Variants in VWC2 observed in about 807,000 individuals in gnomAD.
VWC2 encodes the protein von Willebrand factor C domain containing 2, also known as brorin.
A neutral mutation model predicts 29.8 loss-of-function variants in VWC2; 14 were observed. The observed-to-expected ratio is 0.47, with a 90% CI of 0.31 to 0.74. The LOEUF (loss-of-function observed/expected upper bound fraction) is 0.74. VWC2 is among the 30% of genes least tolerant of loss of function. The pLI is 0.05. For missense variants in VWC2, 457 were observed against 459.8 expected (o/e 0.99, Z 0.05); for synonymous variants, 213 against 199.0 (o/e 1.07, Z -0.59).
intron 3 of VWC2, among the ~76,000 whole-genome samples, chr7:49,861,374 T>C (rs1445267310): frequency 1.3e-5 from 2 of 152,232 alleles, no homozygotes; most frequent in African/African-American, 4.8e-5. Flanking sequence ...AAGACTTTTT[T>C]ATATTTTGAA....
chr7:49,777,445 T>C (rs1302872926), intron 2 of VWC2, among the ~76,000 whole-genome samples: 2 of 151,926 alleles, frequency 1.3e-5, no homozygotes, highest in Admixed American at 6.6e-5. Context: ...TCAGGAAACA[T>C]GGTTATTCAT....
At chr7:49,841,359 A>G (rs747791582) in intron 3 of VWC2, among the ~76,000 whole-genome samples, 1 of 152,052 alleles carries the variant, frequency 6.6e-6, no homozygotes, top group Non-Finnish European at 1.5e-5. Flanking sequence ...CAGTAAACAG[A>G]ACAGTCAGCT....
intron 3 of VWC2, among the ~76,000 whole-genome samples, chr7:49,809,173 C>T (rs1788943619): frequency 6.6e-6 from 1 of 151,816 alleles, no homozygotes; most frequent in South Asian, 2.1e-4. Flanking sequence ...AGAGAAGACA[C>T]AAGTCAGGAA....
chr7:49,826,775 G>A (rs1160937568), intron 3 of VWC2, among the ~76,000 whole-genome samples: 1 of 152,140 alleles, frequency 6.6e-6, no homozygotes, highest in East Asian at 1.9e-4. Context: ...TTTAACTGAT[G>A]TTTCAAATGT....
At chr7:49,804,511 G>A (rs181752084) in intron 3 of VWC2, among the ~76,000 whole-genome samples, 19 of 152,264 alleles carry the variant, frequency 1.2e-4, no homozygotes, top group African/African-American at 2.9e-4. Flanking sequence ...AATATTTGGC[G>A]TCTTAACTAC....
intron 3 of VWC2, among the ~76,000 whole-genome samples, chr7:49,905,476 C>T (rs1238518477): frequency 6.6e-6 from 1 of 152,192 alleles, no homozygotes; most frequent in Non-Finnish European, 1.5e-5. Flanking sequence ...AGTTTACATT[C>T]CCTCTTGGAA....
chr7:49,774,461 G>T (rs1788008140), intron 1 of VWC2, among the ~76,000 whole-genome samples: 1 of 152,250 alleles, frequency 6.6e-6, no homozygotes, highest in Admixed American at 6.5e-5. Flanking sequence ...TTGGGCGGCA[G>T]AAACTTTGGA....
At chr7:49,869,614 G>A (rs571227895) in intron 3 of VWC2, among the ~76,000 whole-genome samples, 9 of 152,186 alleles carry the variant, frequency 5.9e-5, no homozygotes, top group African/African-American at 2.2e-4. Context: ...TTAAAAAATA[G>A]TCCTAAAAAA....
chr7:49,777,584 C>T (rs1788079679), intron 2 of VWC2, among the ~76,000 whole-genome samples: 1 of 152,164 alleles, frequency 6.6e-6, no homozygotes, highest in Non-Finnish European at 1.5e-5. Flanking sequence ...TAACTCCAGG[C>T]ATACATTGCT....
intron 2 of VWC2, among the ~76,000 whole-genome samples, chr7:49,801,349 C>G (rs888708553): frequency 6.6e-6 from 1 of 152,176 alleles, no homozygotes. Context: ...TCCATGTCCC[C>G]CATTTCCATG....
chr7:49,820,827 TC>T (rs1305593691), intron 3 of VWC2, among the ~76,000 whole-genome samples: 1 of 152,140 alleles, frequency 6.6e-6, no homozygotes, highest in African/African-American at 2.4e-5. Context: ...CAGTCATCCC[TC>T]ATAGGTGCAG....
chr7:49,807,888 A>G (rs576668660), intron 3 of VWC2, among the ~76,000 whole-genome samples: 1 of 152,296 alleles, frequency 6.6e-6, no homozygotes, highest in South Asian at 2.1e-4. Context: ...TATTTAAATA[A>G]TACCAACACA....
intron 3 of VWC2, among the ~76,000 whole-genome samples, chr7:49,830,696 G>T (rs1025590551): frequency 6.6e-6 from 1 of 152,074 alleles, no homozygotes; most frequent in Non-Finnish European, 1.5e-5. Flanking sequence ...AGGCCTCGGT[G>T]TGTGATGCTC....
chr7:49,907,233 A>G lies in VWC2; in HGVS notation c.827-4801A>G, dbSNP rs149838767. ...AAGGATAAATTAGAAATCACTGAAAATGATTGACATAATGGCTGGAGGTGG... is the reference window on the plus strand; with the variant it reads ...AAGGATAAATTAGAAATCACTGAAAGTGATTGACATAATGGCTGGAGGTGG... On this transcript the variant is annotated intron_variant, in intron 3 of 3. Transcript: ENST00000340652. 1.6e-3 allele frequency among the ~76,000 whole-genome samples: 248 copies of G among 152,354 alleles called. 1 individual carries two copies. Among genetic ancestry groups the G allele is most frequent in the Non-Finnish European group, 2.6e-3 (176 of 68,034 alleles).
intron 2 of VWC2, among the ~76,000 whole-genome samples, chr7:49,784,137 G>A (rs1788243488): frequency 6.6e-6 from 1 of 152,040 alleles, no homozygotes; most frequent in Non-Finnish European, 1.5e-5. Flanking sequence ...AAATTGATGG[G>A]GTACTGTGTA....
At chr7:49,902,343 A>C (rs961326056) in intron 3 of VWC2, among the ~76,000 whole-genome samples, 1 of 152,052 alleles carries the variant, frequency 6.6e-6, no homozygotes, top group Admixed American at 6.6e-5. Flanking sequence ...AGAGGGAAGA[A>C]TCATTCCACC....
At chr7:49,782,421 G>T (rs1305771018) in intron 2 of VWC2, among the ~76,000 whole-genome samples, 1 of 152,108 alleles carries the variant, frequency 6.6e-6, no homozygotes. Context: ...CAGTTTTGGT[G>T]GAGAATCAGC....
rs555252853 is a variant in VWC2, at chr7:49,783,954, G to A, written c.696+7823G>A. On this transcript the variant is annotated intron_variant, in intron 2 of 3. Transcript: ENST00000340652. ...AGAAATTAAAATGCCAGGTGGCTCT[G>A]CACATTTCCAAGTATCCAAGAATAG... 7.9e-5 allele frequency among the ~76,000 whole-genome samples: 12 copies of A among 152,196 alleles called. No individual in the cohort carries two copies. The South Asian group carries it at 2.1e-3, about 26-fold the overall frequency.
rs532640098 is a variant in VWC2, at chr7:49,894,440, A to G, written c.827-17594A>G. 1.0e-3 allele frequency among the ~76,000 whole-genome samples: 156 copies of G among 152,358 alleles called. 1 individual carries two copies. The highest frequency in any genetic ancestry group is 3.5e-3 in the African/African-American group (145 of 41,584). ...GAGCCACTGCACCTGATCCTTGTTC[A>G]TCAACACAGTCTTCCTATGGCTTAC... is the stretch of plus-strand genomic sequence containing the variant. On this transcript the variant is annotated intron_variant, in intron 3 of 3. Transcript: ENST00000340652.
Sources: gnomAD v4.1 joint callset for allele counts (sites outside exome capture counted in the v4.1 genomes callset) on GRCh38, gnomAD v4.1.1 for gene constraint, MANE v1.5 for transcripts, NCBI Gene and HGNC (gene_info 2026-07-23, HGNC 2026-07-21) for gene names.